Variants in TM9SF4 observed in about 807,000 individuals in gnomAD.
The protein encoded by TM9SF4 is dinucleotide oxidase disulfide thiol exchanger 3 superfamily member 4.
Under a neutral mutation model 90.4 loss-of-function variants are expected in TM9SF4, and 26 were observed. That is an observed-to-expected ratio of 0.29 (90% confidence interval 0.21 to 0.40). TM9SF4 has a LOEUF of 0.40. Ranked by LOEUF, TM9SF4 falls within the 10% of genes least tolerant of loss-of-function variation. TM9SF4 has a pLI of 1.00. For missense variants in TM9SF4, 549 were observed against 834.8 expected (o/e 0.66, Z 4.22); for synonymous variants, 293 against 315.4 (o/e 0.93, Z 0.75).
At chr20:32,136,733 C>T (rs1230792857) in intron 3 of TM9SF4, 1 of 407,384 alleles carries the variant, frequency 2.5e-6, no homozygotes, top group East Asian at 7.3e-5. Flanking sequence ...CTCCATTTGA[C>T]AGAATTTCAG....
intron 3 of TM9SF4, among the ~76,000 whole-genome samples, chr20:32,138,268 G>A (rs900185315): frequency 4.6e-5 from 7 of 152,050 alleles, no homozygotes; most frequent in African/African-American, 7.2e-5. Context: ...CAGGTGTTCC[G>A]GATAGAACCC....
At chr20:32,162,329 G>A (rs1322968678) in intron 17 of TM9SF4, among the ~76,000 whole-genome samples, 2 of 152,204 alleles carry the variant, frequency 1.3e-5, no homozygotes, top group Non-Finnish European at 2.9e-5. Context: ...ATCATTTAGT[G>A]TAGTGCTGTA....
At position 32,167,047 on chromosome 20, in the gene TM9SF4, T is replaced by C. The variant is rs1366937053; in HGVS notation, c.*1603T>C. ...GAACCCAAGCAGTAGAGAGCGATAT[T>C]GGAGTCTTTTGTTCATTCAAATCTT... On this transcript the variant is annotated 3_prime_UTR_variant, in exon 18 of 18. Transcript: ENST00000398022. The C allele has an allele frequency of 6.6e-6, 1 of 152,052 alleles. No homozygotes were observed. The highest frequency in any genetic ancestry group is 1.5e-5 in the Non-Finnish European group (1 of 68,024). The allele number at this position is 152,052 out of a possible 1,614,324, so 9.4% of individuals were successfully genotyped here. A position where few individuals can be genotyped will look rare whatever the true frequency, so the allele number is the denominator to read the frequency against.
At chr20:32,159,947 G>A (rs1250129261) in intron 15 of TM9SF4, 45 bp from the exon 16 acceptor site, 1 of 1,613,026 alleles carries the variant, frequency 6.2e-7, no homozygotes, top group Non-Finnish European at 8.5e-7. Flanking sequence ...AGGGGAAGGG[G>A]AGCAGGGTGG....
chr20:32,153,020 A>C (rs1337039170), intron 12 of TM9SF4, among the ~76,000 whole-genome samples: 1 of 152,106 alleles, frequency 6.6e-6, no homozygotes, highest in Non-Finnish European at 1.5e-5. Flanking sequence ...GGAAGGGAGG[A>C]AGTGACCTTT....
At chr20:32,132,905 C>A in intron 1 of TM9SF4, 108 bp from the exon 2 acceptor site, 1 of 925,220 alleles carries the variant, frequency 1.1e-6, no homozygotes, top group Non-Finnish European at 1.6e-6. Context: ...CAGAGGGTGG[C>A]TACACTGGGT....
Position 32,149,571 on chromosome 20 carries a change from G to T in TM9SF4, c.955-63G>T, listed in dbSNP as rs951175739. On this transcript the variant is annotated intron_variant, in intron 9 of 17. Transcript: ENST00000398022. ...GAGGGTGTCAGCTGTCACCTTGGGG[G>T]TGGTCCCTGCAAGAGCTGCCTCCAT... 3 of 1,611,606 alleles carry T rather than the reference G, an allele frequency of 1.9e-6. No individual in the cohort carries two copies. In the African/African-American group the frequency reaches 4.0e-5, roughly 22 times the overall value.
rs151098107 is a variant in TM9SF4 at position 32,133,416 on chromosome 20, C to T, written c.129+290C>T. ...CTGTCTCTGTCATGTATGTGTCCAT[C>T]TCTTTTTGTGCCTTTGTCTTACTCC... is the stretch of plus-strand genomic sequence containing the variant. On this transcript the variant is annotated intron_variant, in intron 2 of 17. Transcript: ENST00000398022. Among the ~76,000 whole-genome samples the T allele has an allele frequency of 4.0e-3, 613 of 152,268 alleles. 3 individuals carry two copies. Among genetic ancestry groups the T allele is most frequent in the Middle Eastern group, 0.01 (3 of 294 alleles).
chr20:32,112,103 G>C (rs1300408837), intron 1 of TM9SF4, among the ~76,000 whole-genome samples: 1 of 152,164 alleles, frequency 6.6e-6, no homozygotes, highest in African/African-American at 2.4e-5. Context: ...TTTAGTCTAA[G>C]CACAGTGGAA....
intron 2 of TM9SF4, among the ~76,000 whole-genome samples, chr20:32,134,757 C>T (rs2046570508): frequency 6.6e-6 from 1 of 151,874 alleles, no homozygotes; most frequent in Non-Finnish European, 1.5e-5. Flanking sequence ...ACTGCAACCT[C>T]TGCCTCCCAG....
chr20:32,160,049 A>C lies in TM9SF4; in HGVS notation c.1627A>C (p.Ile543Leu). The change falls in exon 16 of 18, where the codon ATC (isoleucine) becomes CTC (leucine). Residue 543 changes from isoleucine to leucine, a missense_variant. Physicochemically the swap from Ile to Leu is conservative, Grantham distance 5. Transcript: ENST00000398022. The part of the protein sequence containing the change: ...LFGFLFLVFI[I>L]LVVSCSQISI... Reference sequence around the variant, plus strand: ...TGGCTTCCTGTTCCTTGTTTTCATCATCCTGGTGGTATCCTGTTCACAAAT... The same window carrying C: ...TGGCTTCCTGTTCCTTGTTTTCATCCTCCTGGTGGTATCCTGTTCACAAAT... 1 of 1,614,106 alleles carries C rather than the reference A, an allele frequency of 6.2e-7. No homozygotes were observed. Among genetic ancestry groups the C allele is most frequent in the Non-Finnish European group, 8.5e-7 (1 of 1,180,016 alleles).
At chr20:32,111,120 GAGGGA>G (rs2046136556) in intron 1 of TM9SF4, among the ~76,000 whole-genome samples, 1 of 152,216 alleles carries the variant, frequency 6.6e-6, no homozygotes, top group African/African-American at 2.4e-5. Context: ...TTTGTTTAAT[GAGGGA>G]TTCCTTATTT....
intron 15 of TM9SF4, chr20:32,159,376 G>A (rs2046979740): frequency 1.3e-5 from 2 of 152,802 alleles, no homozygotes; most frequent in African/African-American, 2.4e-5. Flanking sequence ...AGCACAGATG[G>A]TACCTTGTAC....
rs67827616 is a variant in TM9SF4 at position 32,163,245 on chromosome 20, C to CAA, written c.1779+1903_1779+1904dup. Among the ~76,000 whole-genome samples, 119 of 40,914 alleles carry CAA rather than the reference C, an allele frequency of 2.9e-3. 2 individuals carry two copies. Among genetic ancestry groups the CAA allele is most frequent in the Non-Finnish European group, 3.3e-3 (77 of 23,094 alleles). The allele number at this position is 40,914 out of a possible 152,430, so 26.8% of individuals were successfully genotyped here. ...TGGGTGACAGAGCAAGACTCCATCT[C>CAA]AAAAAAAAAAAAAAAAAAAAAAAAT... On this transcript the variant is annotated intron_variant, in intron 17 of 17. Coordinates refer to ENST00000398022, the MANE Select transcript of TM9SF4 (RefSeq NM_014742.4).
At chr20:32,156,937 A>ATTTTATT (rs1244272103) in intron 13 of TM9SF4, among the ~76,000 whole-genome samples, 1 of 63,048 alleles carries the variant, frequency 1.6e-5, no homozygotes. Context: ...TTTCCTGGAC[A>ATTTTATT]TTTTCTTTTT....
In TM9SF4 at chr20:32,164,541, C is replaced by T. The variant is rs550257582; in HGVS notation, c.1780-754C>T. ...AAGAAAAGGGGTTAGGGGAGAGATG[C>T]GGGGCTGAGCCTGAAAACATGGCCT... On this transcript the variant is annotated intron_variant, in intron 17 of 17. Transcript: ENST00000398022. 5.3e-5 allele frequency among the ~76,000 whole-genome samples: 8 copies of T among 152,220 alleles called. No homozygotes were observed. The South Asian group carries it at 1.5e-3, about 28-fold the overall frequency.
At chr20:32,162,899 G>T (rs936986732) in intron 17 of TM9SF4, among the ~76,000 whole-genome samples, 7 of 152,116 alleles carry the variant, frequency 4.6e-5, no homozygotes, top group African/African-American at 1.7e-4. Context: ...TAAGCAAAAA[G>T]AATGTATTTG....
intron 1 of TM9SF4, among the ~76,000 whole-genome samples, chr20:32,112,650 T>C (rs1271375227): frequency 2.0e-5 from 3 of 148,456 alleles, no homozygotes; most frequent in Non-Finnish European, 4.4e-5. Context: ...GCCAAGATCG[T>C]GTCACTGCAC....
intron 1 of TM9SF4, chr20:32,116,237 A>G (rs1448608402): frequency 6.6e-6 from 1 of 152,176 alleles, no homozygotes; most frequent in Non-Finnish European, 1.5e-5. Context: ...TGAAACAAGG[A>G]TGATATTCTC....
Sources: gnomAD v4.1 joint callset for allele counts (sites outside exome capture counted in the v4.1 genomes callset) on GRCh38, gnomAD v4.1.1 for gene constraint, MANE v1.5 for transcripts, NCBI Gene and HGNC (gene_info 2026-07-23, HGNC 2026-07-21) for gene names.